C10orf67: variants seen among roughly 807,000 people sequenced by gnomAD.
C10orf67 encodes chromosome 10 open reading frame 67, also known as uncharacterized protein C10orf67, mitochondrial.
A neutral mutation model predicts 35.6 loss-of-function variants in C10orf67; 60 were observed. The ratio of observed to expected loss-of-function variants is 1.68; its 90% confidence interval spans 1.37 to 2.09. The LOEUF is 2.09. Among genes scored for constraint, C10orf67 ranks in the 30% most tolerant of loss-of-function variants. The pLI is 0.00. For missense variants in C10orf67, 474 were observed against 330.2 expected (o/e 1.44, Z -3.38); for synonymous variants, 167 against 115.8 (o/e 1.44, Z -2.84).
intron 15 of C10orf67, among the ~76,000 whole-genome samples, chr10:23,210,364 A>C (rs975386890): frequency 3.3e-5 from 5 of 152,182 alleles, no homozygotes; most frequent in African/African-American, 1.2e-4. Flanking sequence ...GGATATTGTG[A>C]GAACATAACC....
chr10:23,254,604 G>C (rs576346868), intron 10 of C10orf67, among the ~76,000 whole-genome samples: 1 of 151,980 alleles, frequency 6.6e-6, no homozygotes, highest in Non-Finnish European at 1.5e-5. Context: ...AGAAATAAAG[G>C]TTCATTTATA....
intron 5 of C10orf67, among the ~76,000 whole-genome samples, chr10:23,302,057 C>T (rs961378799): frequency 4.6e-5 from 7 of 152,028 alleles, no homozygotes; most frequent in Non-Finnish European, 7.4e-5. Flanking sequence ...CAGCTCAAGC[C>T]GTAACAAACA....
At chr10:23,334,806 C>T (rs1845611430) in intron 1 of C10orf67, among the ~76,000 whole-genome samples, 1 of 152,172 alleles carries the variant, frequency 6.6e-6, no homozygotes, top group Non-Finnish European at 1.5e-5. Context: ...CTGGACATTG[C>T]CAAGGGTGGA....
intron 15 of C10orf67, among the ~76,000 whole-genome samples, chr10:23,216,468 A>G (rs1841433601): frequency 6.6e-6 from 1 of 152,166 alleles, no homozygotes; most frequent in Non-Finnish European, 1.5e-5. Flanking sequence ...TAAAGTTACT[A>G]GAACTCAGCA....
At chr10:23,202,563 G>T (rs1841053200), downstream of C10orf67, 1 of 151,950 alleles carries the variant, frequency 6.6e-6, no homozygotes, top group Non-Finnish European at 1.5e-5. Context: ...AAGTAAAAAG[G>T]CTGCAAAACA....
chr10:23,262,429 C>T (rs2132186006), intron 10 of C10orf67, among the ~76,000 whole-genome samples: 1 of 152,272 alleles, frequency 6.6e-6, no homozygotes, highest in Non-Finnish European at 1.5e-5. Context: ...TCTGCTACCA[C>T]CAAGTCGCTA....
At chr10:23,227,701 C>A (rs1207378896) in intron 13 of C10orf67, among the ~76,000 whole-genome samples, 1 of 152,156 alleles carries the variant, frequency 6.6e-6, no homozygotes, top group African/African-American at 2.4e-5. Context: ...ATCGTCTCAG[C>A]CTAAAATCTC....
In C10orf67 at chr10:23,234,664, C is replaced by T. The variant is rs1197881874; in HGVS notation, c.1434+5065G>A. 2.0e-5 allele frequency among the ~76,000 whole-genome samples: 3 copies of T among 151,850 alleles called. No individual in the cohort carries two copies. In the East Asian group the frequency reaches 5.8e-4, roughly 29 times the overall value. ...CTATATAACAAACCTGCACATGTAC[C>T]TCTGAACTTCAAATATAAGTTAAAT... On this transcript the variant is annotated intron_variant, in intron 13 of 15. Coordinates refer to ENST00000636213, the MANE Select transcript of C10orf67 (RefSeq NM_001371909.1).
chr10:23,267,320 A>G (rs1842909870), intron 8 of C10orf67, 66 bp from the exon 9 acceptor site: 6 of 657,416 alleles, frequency 9.1e-6, no homozygotes, highest in African/African-American at 1.8e-5. Context: ...AATTTTCTAT[A>G]AAACTTCTAT....
chr10:23,240,546 A>T (rs184585291), intron 12 of C10orf67, among the ~76,000 whole-genome samples: 147 of 152,326 alleles, frequency 9.7e-4, no homozygotes, highest in African/African-American at 3.4e-3. Flanking sequence ...GAAACATCAC[A>T]CATATATTAG....
rs556739120 is a variant in C10orf67 at position 23,275,282 on chromosome 10, C to G, written c.975+6731G>C. Among the ~76,000 whole-genome samples the G allele has an allele frequency of 1.3e-5, 2 of 152,078 alleles. 1 individual carries two copies. Among genetic ancestry groups the G allele is most frequent in the Admixed American group, 1.3e-4 (2 of 15,262 alleles). On this transcript the variant is annotated intron_variant, in intron 8 of 15. Coordinates refer to ENST00000636213, the MANE Select transcript of C10orf67 (RefSeq NM_001371909.1). Reference sequence around the variant, plus strand: ...GGAGGATTGCTTGAGCACAGGAGTTCGAGATCAGCTTATGCAACCTATCAA... The same window carrying G: ...GGAGGATTGCTTGAGCACAGGAGTTGGAGATCAGCTTATGCAACCTATCAA...
At chr10:23,298,245 ACT>A (rs1338790165) in intron 5 of C10orf67, among the ~76,000 whole-genome samples, 3 of 151,826 alleles carry the variant, frequency 2.0e-5, no homozygotes, top group African/African-American at 7.3e-5. Context: ...ACAGAGTGAG[ACT>A]CTGTCTCAAA....
At chr10:23,267,155 A>T (rs577682084) in intron 9 of C10orf67, 40 bp downstream of exon 9, 131 of 696,954 alleles carry the variant, frequency 1.9e-4, no homozygotes, top group Non-Finnish European at 3.0e-4. Context: ...GAAGCACAAA[A>T]TAAAAGAGAA....
At chr10:23,214,252 T>C (rs1416404436) in intron 15 of C10orf67, among the ~76,000 whole-genome samples, 1 of 152,046 alleles carries the variant, frequency 6.6e-6, no homozygotes. Context: ...TCAGAAAACA[T>C]AAGAGATTAG....
intron 8 of C10orf67, among the ~76,000 whole-genome samples, chr10:23,271,424 G>C (rs1843019651): frequency 6.6e-6 from 1 of 152,142 alleles, no homozygotes; most frequent in Non-Finnish European, 1.5e-5. Flanking sequence ...TATTTATCTT[G>C]GGTAAATACC....
At position 23,326,091 on chromosome 10, in the gene C10orf67, G is replaced by A. The variant is rs528898072; in HGVS notation, c.328-3554C>T. Among the ~76,000 whole-genome samples, 157 of 152,150 alleles carry A rather than the reference G, an allele frequency of 1.0e-3. 1 individual carries two copies. The highest frequency in any genetic ancestry group is 3.5e-3 in the African/African-American group (144 of 41,540). On this transcript the variant is annotated intron_variant, in intron 2 of 15. Coordinates refer to ENST00000636213, the MANE Select transcript of C10orf67 (RefSeq NM_001371909.1). ...AGTCTAACATACAAGTAATTGGAGA[G>A]GATAGAAAAAGTGGGGTGGAACAAA... is the stretch of plus-strand genomic sequence containing the variant.
intron 13 of C10orf67, among the ~76,000 whole-genome samples, chr10:23,227,604 A>G (rs1841775845): frequency 6.6e-6 from 1 of 152,192 alleles, no homozygotes; most frequent in Admixed American, 6.5e-5. Context: ...CAGGCAGGAG[A>G]AAGAAATAAA....
chr10:23,311,640 G>A (rs142876108), intron 4 of C10orf67, among the ~76,000 whole-genome samples: 1,569 of 152,150 alleles, frequency 0.01, 33 homozygotes, highest in African/African-American at 0.036. Flanking sequence ...GAACCCGGGA[G>A]GCAGAGGTTG....
chr10:23,290,520 G>A (rs1003836365), intron 6 of C10orf67, among the ~76,000 whole-genome samples: 11 of 152,272 alleles, frequency 7.2e-5, no homozygotes, highest in South Asian at 2.1e-4. Context: ...GAAAAAATAC[G>A]TTAGAGCAAT....
Sources: gnomAD v4.1 joint callset for allele counts (sites outside exome capture counted in the v4.1 genomes callset) on GRCh38, gnomAD v4.1.1 for gene constraint, MANE v1.5 for transcripts, NCBI Gene and HGNC (gene_info 2026-07-23, HGNC 2026-07-21) for gene names.